Variants in DENND11 observed in about 807,000 individuals in gnomAD.
DENND11 encodes the protein DENN domain-containing protein 11.
DENND11 carries 34 observed loss-of-function variants against 49.2 expected under a neutral mutation model. The observed-to-expected ratio is 0.69, with a 90% CI of 0.53 to 0.92. DENND11 has a LOEUF of 0.92. Among genes scored for constraint, DENND11 ranks in the 40% least tolerant of loss-of-function variants. The pLI is 0.00. For missense variants in DENND11, 475 were observed against 581.6 expected (o/e 0.82, Z 1.88); for synonymous variants, 238 against 230.3 (o/e 1.03, Z -0.30).
At chr7:141,684,143 T>C (rs891337228) in intron 3 of DENND11, among the ~76,000 whole-genome samples, 1 of 152,130 alleles carries the variant, frequency 6.6e-6, no homozygotes, top group African/African-American at 2.4e-5. Flanking sequence ...CCCAGGCTGG[T>C]CTTGAATTCC....
At position 141,690,390 on chromosome 7, in the gene DENND11, TTCC is replaced by T. The variant is rs533600990; in HGVS notation, c.269-3735_269-3733del. The stretch of plus-strand genomic sequence containing the variant: ...GAGTTTCAGCTTCTTACTCTTCCTT[TTCC>T]TCCTCCTCCTCCTCTTGTTCAGAAG... On this transcript the variant is annotated intron_variant, in intron 1 of 8. Transcript: ENST00000536163. 9.2e-5 allele frequency among the ~76,000 whole-genome samples: 14 copies of T among 152,046 alleles called. No homozygotes were observed. The South Asian group carries it at 2.5e-3, about 27-fold the overall frequency.
In DENND11 at chr7:141,661,205, A is replaced by G. The variant is rs1170468223; in HGVS notation, c.*1451T>C. On this transcript the variant is annotated 3_prime_UTR_variant, in exon 9 of 9. Coordinates refer to ENST00000536163, the MANE Select transcript of DENND11 (RefSeq NM_001080392.2). Reference sequence around the variant, plus strand: ...TGGATGCACTGACGGCTATTCCCATAACCGAGCCAGGCGGGAAGGGGGAAA... The same window carrying G: ...TGGATGCACTGACGGCTATTCCCATGACCGAGCCAGGCGGGAAGGGGGAAA... The G allele has an allele frequency of 2.0e-5, 3 of 152,302 alleles. No homozygotes were observed. In the East Asian group the frequency reaches 5.8e-4, roughly 29 times the overall value. 9.4% of individuals were successfully genotyped at this position (152,302 alleles called of 1,614,324 possible).
chr7:141,697,680 G>A (rs1386185927), intron 1 of DENND11, among the ~76,000 whole-genome samples: 8 of 152,136 alleles, frequency 5.3e-5, no homozygotes, highest in Middle Eastern at 3.4e-3. Flanking sequence ...CCTGGGCAGC[G>A]CTCCAAGTGG....
rs554282156 is a variant in DENND11, at chr7:141,690,561, C to T, written c.269-3903G>A. ...CTGCAACAAATTCCTTTATGTATCTCCTAGTTTTTCGGTTCCTCTGATTGA... is the reference window on the plus strand; with the variant it reads ...CTGCAACAAATTCCTTTATGTATCTTCTAGTTTTTCGGTTCCTCTGATTGA... On this transcript the variant is annotated intron_variant, in intron 1 of 8. Coordinates refer to ENST00000536163, the MANE Select transcript of DENND11 (RefSeq NM_001080392.2). Among the ~76,000 whole-genome samples, 3 of 152,278 alleles carry T rather than the reference C, an allele frequency of 2.0e-5. No individual in the cohort carries two copies. The East Asian group carries it at 5.8e-4, about 29-fold the overall frequency.
intron 3 of DENND11, among the ~76,000 whole-genome samples, chr7:141,676,008 C>G (rs1201202999): frequency 1.3e-5 from 2 of 152,188 alleles, no homozygotes; most frequent in African/African-American, 4.8e-5. Flanking sequence ...AACCCATGGT[C>G]TAAGCTGTGT....
At position 141,701,830 on chromosome 7, in the gene DENND11, A is replaced by G. The variant is rs1798525406; in HGVS notation, c.268+56T>C. The G allele has an allele frequency of 2.6e-6, 3 of 1,135,962 alleles. No individual in the cohort carries two copies. In the African/African-American group the frequency reaches 4.9e-5, roughly 19 times the overall value. The allele number at this position is 1,135,962 out of a possible 1,614,324, so 70.4% of individuals were successfully genotyped here. On this transcript the variant is annotated intron_variant, in intron 1 of 8. Transcript: ENST00000536163. ...CAGCGAGCCCCTCCCCCGCGCCCCC[A>G]AAGCTCGGGGGCACCCCGACCCTCC...
chr7:141,671,917 C>T (rs541487530), intron 4 of DENND11, among the ~76,000 whole-genome samples: 1 of 152,348 alleles, frequency 6.6e-6, no homozygotes, highest in East Asian at 1.9e-4. Context: ...TAAACTCATA[C>T]GCCAATTGGC....
intron 3 of DENND11, among the ~76,000 whole-genome samples, chr7:141,683,097 A>C (rs1798173525): frequency 6.6e-6 from 1 of 152,198 alleles, no homozygotes; most frequent in Admixed American, 6.5e-5. Flanking sequence ...ACAGAGAATA[A>C]CCAAGTAAAT....
At chr7:141,685,310 CGTT>C (rs1206252163) in intron 3 of DENND11, among the ~76,000 whole-genome samples, 165 bp downstream of exon 3, 1 of 152,072 alleles carries the variant, frequency 6.6e-6, no homozygotes, top group African/African-American at 2.4e-5. Context: ...TCATGCAGGA[CGTT>C]GGCTGAAACG....
chr7:141,691,799 C>A (rs1007027550), intron 1 of DENND11, among the ~76,000 whole-genome samples: 74 of 152,148 alleles, frequency 4.9e-4, no homozygotes, highest in Admixed American at 4.6e-3. Context: ...ATAATCATGT[C>A]TTTGACGTCT....
rs1563002200 is a variant in DENND11, at chr7:141,685,032, ATATATATAT to A, written c.527+437_527+445del. ...TCTACCAAAAAAAAAAAAAAAAAAT[ATATATATAT>A]ATATATATATATATATATTTTTAAG... On this transcript the variant is annotated intron_variant, in intron 3 of 8. Coordinates refer to ENST00000536163, the MANE Select transcript of DENND11 (RefSeq NM_001080392.2). Among the ~76,000 whole-genome samples the A allele has an allele frequency of 9.6e-4, 88 of 91,634 alleles. 1 individual carries two copies. The highest frequency in any genetic ancestry group is 3.1e-3 in the African/African-American group (81 of 26,550). 60.1% of individuals were successfully genotyped at this position (91,634 alleles called of 152,430 possible).
intron 5 of DENND11, among the ~76,000 whole-genome samples, chr7:141,666,053 T>C (rs1797889580): frequency 6.6e-6 from 1 of 150,882 alleles, no homozygotes; most frequent in African/African-American, 2.4e-5. Flanking sequence ...CCATCTAGAA[T>C]GCATCTTCTC....
At position 141,701,884 on chromosome 7, in the gene DENND11, A is replaced by G; in HGVS notation, c.268+2T>C. ...CGCGCCTGGCCCCGGCGCGGCCCTC[A>G]CCCGAGCGGGGGTCGAAGGTGACCA... is the stretch of plus-strand genomic sequence containing the variant. On this transcript the variant is annotated splice_donor_variant, in intron 1 of 8. Transcript: ENST00000536163. LOFTEE classifies it high-confidence loss of function. 8.4e-7 allele frequency: 1 copy of G among 1,195,036 alleles called. No individual in the cohort carries two copies. The highest frequency in any genetic ancestry group is 1.0e-6 in the Non-Finnish European group (1 of 965,444). The allele number at this position is 1,195,036 out of a possible 1,614,324, so 74.0% of individuals were successfully genotyped here. A position where few individuals can be genotyped will look rare whatever the true frequency, so the allele number is the denominator to read the frequency against.
chr7:141,699,036 T>A (rs1299364375), intron 1 of DENND11, among the ~76,000 whole-genome samples: 1 of 152,158 alleles, frequency 6.6e-6, no homozygotes, highest in Non-Finnish European at 1.5e-5. Context: ...GGGAAGTGGC[T>A]AAGCAGGCAG....
chr7:141,684,993 A>G (rs1345849541), intron 3 of DENND11, among the ~76,000 whole-genome samples: 1 of 138,158 alleles, frequency 7.2e-6, no homozygotes, highest in East Asian at 2.2e-4. Context: ...TGGGCAATAT[A>G]GTAAGAGCCT....
intron 4 of DENND11, among the ~76,000 whole-genome samples, chr7:141,672,093 C>T (rs1400615803): frequency 6.6e-6 from 1 of 152,228 alleles, no homozygotes; most frequent in Non-Finnish European, 1.5e-5. Context: ...AGCCACACCT[C>T]CTGAGAGGTC....
At chr7:141,675,880 G>A (rs1471492535) in intron 3 of DENND11, among the ~76,000 whole-genome samples, 1 of 152,096 alleles carries the variant, frequency 6.6e-6, no homozygotes, top group Non-Finnish European at 1.5e-5. Context: ...TTTAAGTTTT[G>A]ACAAGGAGGT....
chr7:141,691,906 T>C (rs1798332550), intron 1 of DENND11, among the ~76,000 whole-genome samples: 1 of 151,888 alleles, frequency 6.6e-6, no homozygotes, highest in African/African-American at 2.4e-5. Context: ...AGAATGGGTA[T>C]TTAAAAAAAA....
intron 1 of DENND11, among the ~76,000 whole-genome samples, chr7:141,700,735 G>C (rs1798497352): frequency 1.3e-5 from 2 of 152,014 alleles, no homozygotes; most frequent in African/African-American, 4.8e-5. Context: ...GCTCCACAGT[G>C]AATCCCACAT....
Sources: allele counts gnomAD v4.1 joint callset (sites outside exome capture counted in the v4.1 genomes callset), GRCh38; gene constraint gnomAD v4.1.1; transcripts MANE v1.5; gene names NCBI Gene and HGNC (gene_info 2026-07-23, HGNC 2026-07-21).